The following PTPRD variants were observed in gnomAD, a reference collection of about 807,000 sequenced individuals.
PTPRD encodes receptor-type tyrosine-protein phosphatase delta.
A neutral mutation model predicts 214.5 loss-of-function variants in PTPRD; 34 were observed. That is an observed-to-expected ratio of 0.16 (90% CI 0.12 to 0.21). The LOEUF is 0.21. Ranked by LOEUF, PTPRD falls within the 10% of genes least tolerant of loss-of-function variation. The probability of loss-of-function intolerance (pLI) is 1.00; values close to 1 mark genes in which losing one functional copy is unlikely to be tolerated. For missense variants in PTPRD, 2,545 were observed against 2,398.7 expected, an observed-to-expected ratio of 1.06 and a Z score of -1.27; for synonymous variants, 1,128 against 845.7, an observed-to-expected ratio of 1.33 and a Z score of -5.79.
intron 12 of PTPRD, among the ~76,000 whole-genome samples, chr9:8,696,193 G>T (rs1415588243): frequency 6.6e-6 from 1 of 152,176 alleles, no homozygotes; most frequent in Admixed American, 6.5e-5. Context: ...ACAGAGAGAA[G>T]AGGACACGGG....
chr9:8,814,673 G>A (rs189915958), intron 11 of PTPRD, among the ~76,000 whole-genome samples: 124 of 152,304 alleles, frequency 8.1e-4, no homozygotes, highest in African/African-American at 2.8e-3. Flanking sequence ...CATCTGTGAC[G>A]TAGATTATGC....
rs1471538219 is a variant in PTPRD at position 9,112,831 on chromosome 9, A to G, written c.-143+70473T>C. Among the ~76,000 whole-genome samples the G allele has an allele frequency of 3.3e-5, 5 of 152,306 alleles. No individual in the cohort carries two copies. In the East Asian group the frequency reaches 9.6e-4, roughly 29 times the overall value. ...AGATAAAATTCATGGGACCATAGCA[A>G]ATATGTTTCGTATCTCTTGAATTAC... On this transcript the variant is annotated intron_variant, in intron 10 of 45. Coordinates refer to ENST00000381196, the MANE Select transcript of PTPRD (RefSeq NM_002839.4).
intron 11 of PTPRD, among the ~76,000 whole-genome samples, chr9:8,898,504 T>A (rs1033067975): frequency 2.0e-5 from 3 of 152,220 alleles, no homozygotes; most frequent in Non-Finnish European, 4.4e-5. Context: ...TTGAATTGAA[T>A]AACTACAAAA....
intron 3 of PTPRD, among the ~76,000 whole-genome samples, chr9:10,333,418 CTA>C (rs2096787960): frequency 6.6e-6 from 1 of 151,726 alleles, no homozygotes; most frequent in South Asian, 2.1e-4. Context: ...GCTATTTTCT[CTA>C]TTTCCTGCTG....
rs549241080 is a variant in PTPRD at position 9,275,247 on chromosome 9, G to A, written c.-202-91884C>T. On this transcript the variant is annotated intron_variant, in intron 9 of 45. Coordinates refer to ENST00000381196, the MANE Select transcript of PTPRD (RefSeq NM_002839.4). ...TTAGCATTTCATGCTCTTTGAATTT[G>A]AATTGGGAAAGTATCTATCTGTGAC... Among the ~76,000 whole-genome samples, 48 of 117,464 alleles carry A rather than the reference G, an allele frequency of 4.1e-4. No individual in the cohort carries two copies. In the East Asian group the frequency reaches 0.011, roughly 27 times the overall value. The allele number at this position is 117,464 out of a possible 152,430, so 77.1% of individuals were successfully genotyped here.
At chr9:9,225,962 T>G (rs1371303656) in intron 9 of PTPRD, among the ~76,000 whole-genome samples, 1 of 152,032 alleles carries the variant, frequency 6.6e-6, no homozygotes, top group African/African-American at 2.4e-5. Flanking sequence ...CTAATATATT[T>G]TTTGTTTTCA....
intron 2 of PTPRD, among the ~76,000 whole-genome samples, chr9:10,411,664 T>G (rs999255805): frequency 2.6e-5 from 4 of 151,758 alleles, no homozygotes; most frequent in African/African-American, 9.7e-5. Flanking sequence ...TCATTTGCTA[T>G]TTGATTTTTT....
intron 2 of PTPRD, among the ~76,000 whole-genome samples, chr9:10,355,834 A>G (rs1337277755): frequency 6.6e-6 from 1 of 151,890 alleles, no homozygotes; most frequent in Non-Finnish European, 1.5e-5. Context: ...TGAAAGAAAC[A>G]CTATGATATA....
At chr9:9,155,302 A>T (rs1004882038) in intron 10 of PTPRD, among the ~76,000 whole-genome samples, 3 of 152,108 alleles carry the variant, frequency 2.0e-5, no homozygotes, top group Non-Finnish European at 4.4e-5. Flanking sequence ...CATGAATTGG[A>T]TCTCAATATT....
chr9:9,430,435 CAT>C (rs1030017894), intron 8 of PTPRD, among the ~76,000 whole-genome samples: 1 of 151,862 alleles, frequency 6.6e-6, no homozygotes, highest in Non-Finnish European at 1.5e-5. Context: ...ATTCCATGTT[CAT>C]GGACAGGAAG....
At position 9,951,554 on chromosome 9, in the gene PTPRD, C is replaced by T. The variant is rs2093455005; in HGVS notation, c.-471-12944G>A. Among the ~76,000 whole-genome samples the T allele has an allele frequency of 1.3e-5, 2 of 152,168 alleles. 1 individual carries two copies. The highest frequency in any genetic ancestry group is 1.3e-4 in the Admixed American group (2 of 15,284). The stretch of plus-strand genomic sequence containing the variant: ...TCCTCCTGGCTGTTAAAAACAGCAC[C>T]CCCCAATGTTTCTGAGTAAAGTTTC... On this transcript the variant is annotated intron_variant, in intron 4 of 45. Transcript: ENST00000381196.
intron 10 of PTPRD, among the ~76,000 whole-genome samples, chr9:9,068,092 T>A (rs1259568675): frequency 6.6e-6 from 1 of 151,924 alleles, no homozygotes; most frequent in African/African-American, 2.4e-5. Context: ...ATATTTAACC[T>A]TTTTTAGATT....
At chr9:9,838,572 G>C (rs1187991393) in intron 5 of PTPRD, among the ~76,000 whole-genome samples, 1 of 152,156 alleles carries the variant, frequency 6.6e-6, no homozygotes, top group Non-Finnish European at 1.5e-5. Flanking sequence ...GTCTTCTTTT[G>C]AGAAGTGTCT....
intron 12 of PTPRD, among the ~76,000 whole-genome samples, chr9:8,733,179 T>C (rs1015825277): frequency 1.1e-4 from 16 of 152,194 alleles, no homozygotes; most frequent in Non-Finnish European, 2.1e-4. Flanking sequence ...TTGAGTCCAG[T>C]AATCCAAGCT....
chr9:9,809,798 A>T (rs2046574902), intron 5 of PTPRD, among the ~76,000 whole-genome samples: 1 of 152,230 alleles, frequency 6.6e-6, no homozygotes, highest in Non-Finnish European at 1.5e-5. Flanking sequence ...CAGGGACAGG[A>T]AATCAGAAGG....
intron 7 of PTPRD, among the ~76,000 whole-genome samples, chr9:9,594,012 C>G (rs1408532402): frequency 6.6e-6 from 1 of 151,972 alleles, no homozygotes; most frequent in East Asian, 1.9e-4. Flanking sequence ...TACAGTGGTA[C>G]TTGTATGTGG....
At chr9:8,575,752 T>C (rs143131105) in intron 14 of PTPRD, among the ~76,000 whole-genome samples, 1 of 152,252 alleles carries the variant, frequency 6.6e-6, no homozygotes, top group Non-Finnish European at 1.5e-5. Flanking sequence ...TGAGTTTAAG[T>C]TGCAAAAACA....
intron 7 of PTPRD, among the ~76,000 whole-genome samples, chr9:9,726,266 T>G (rs1164398942): frequency 3.3e-5 from 5 of 152,144 alleles, no homozygotes; most frequent in Non-Finnish European, 7.3e-5. Context: ...GACATTGGCA[T>G]GCACACATTC....
intron 12 of PTPRD, among the ~76,000 whole-genome samples, chr9:8,692,349 G>A (rs2097825336): frequency 6.6e-6 from 1 of 152,082 alleles, no homozygotes. Context: ...CTTCCATCTA[G>A]TGGTTCTATC....
Sources: gnomAD v4.1 joint callset for allele counts (sites outside exome capture counted in the v4.1 genomes callset) on GRCh38, gnomAD v4.1.1 for gene constraint, MANE v1.5 for transcripts, NCBI Gene and HGNC (gene_info 2026-07-23, HGNC 2026-07-21) for gene names.